CPED1: variants seen among roughly 807,000 people sequenced by gnomAD.
CPED1 encodes the protein cadherin like and PC-esterase domain containing 1, also known as cadherin-like and PC-esterase domain-containing protein 1.
A neutral mutation model predicts 128.2 loss-of-function variants in CPED1; 114 were observed. That is an observed-to-expected ratio of 0.89 (90% CI 0.76 to 1.04). CPED1 has a LOEUF of 1.04. CPED1 is among the 50% of genes least tolerant of loss of function. The pLI is 0.00. For missense variants in CPED1, 1,211 were observed against 1,207.1 expected (o/e 1.00, Z -0.05); for synonymous variants, 462 against 426.7 (o/e 1.08, Z -1.02).
chr7:121,165,920 T>G (rs1796512031), intron 16 of CPED1, among the ~76,000 whole-genome samples: 1 of 152,208 alleles, frequency 6.6e-6, no homozygotes, highest in Non-Finnish European at 1.5e-5. Flanking sequence ...TATGATTGGA[T>G]GTATCTGTGG....
intron 3 of CPED1, among the ~76,000 whole-genome samples, chr7:121,020,306 C>T (rs1467694995): frequency 6.6e-6 from 1 of 151,880 alleles, no homozygotes; most frequent in Non-Finnish European, 1.5e-5. Context: ...AACTATAGTC[C>T]ACTGGCTAAA....
chr7:121,068,901 A>T (rs1352977788), intron 5 of CPED1, among the ~76,000 whole-genome samples: 4 of 152,070 alleles, frequency 2.6e-5, no homozygotes, highest in African/African-American at 9.7e-5. Context: ...TTCACTCATG[A>T]TTTGGCTCTC....
At chr7:121,108,976 G>T (rs1795045732) in intron 7 of CPED1, among the ~76,000 whole-genome samples, 1 of 152,058 alleles carries the variant, frequency 6.6e-6, no homozygotes, top group South Asian at 2.1e-4. Context: ...TAAAATTACT[G>T]TACAGTTAGA....
intron 16 of CPED1, among the ~76,000 whole-genome samples, chr7:121,201,806 A>T (rs2116566265): frequency 6.6e-6 from 1 of 152,134 alleles, no homozygotes; most frequent in Non-Finnish European, 1.5e-5. Flanking sequence ...TTTTTTTCTT[A>T]TCTGACAAAT....
chr7:121,084,993 G>A (rs1442858953), intron 5 of CPED1, among the ~76,000 whole-genome samples: 2 of 152,052 alleles, frequency 1.3e-5, no homozygotes, highest in Non-Finnish European at 2.9e-5. Flanking sequence ...TCGTAGTGAC[G>A]GCCCCAAATG....
chr7:121,207,172 A>T (rs1233914383), intron 16 of CPED1, among the ~76,000 whole-genome samples: 5 of 151,934 alleles, frequency 3.3e-5, no homozygotes, highest in Non-Finnish European at 7.4e-5. Flanking sequence ...AGATTTTCTT[A>T]TGCTTTGCTA....
intron 7 of CPED1, among the ~76,000 whole-genome samples, chr7:121,118,677 A>G (rs1795312323): frequency 6.6e-6 from 1 of 151,996 alleles, no homozygotes; most frequent in Non-Finnish European, 1.5e-5. Flanking sequence ...TAAAGAAAAG[A>G]GGTTTAATTG....
chr7:121,146,239 C>T (rs1796022234), intron 16 of CPED1, among the ~76,000 whole-genome samples: 1 of 152,034 alleles, frequency 6.6e-6, no homozygotes, highest in Admixed American at 6.6e-5. Context: ...AGGGAAAATT[C>T]TATGTCCTCA....
At chr7:121,204,743 G>A (rs1254738819) in intron 16 of CPED1, among the ~76,000 whole-genome samples, 3 of 152,148 alleles carry the variant, frequency 2.0e-5, no homozygotes, top group Admixed American at 6.5e-5. Flanking sequence ...CATGATGCAG[G>A]TCAAGTTTCC....
rs535399089 is a variant in CPED1 at position 121,239,758 on chromosome 7, T to A, written c.2173+2927T>A. Among the ~76,000 whole-genome samples the A allele has an allele frequency of 2.6e-5, 4 of 152,338 alleles. No homozygotes were observed. The South Asian group carries it at 8.3e-4, about 32-fold the overall frequency. ...TTTTCCTCCGTTGTATCATTCAATC[T>A]GATTCACTGAAATGGCTGAAATCTA... On this transcript the variant is annotated intron_variant, in intron 17 of 22. Transcript: ENST00000310396.
chr7:121,129,337 G>GTATA (rs756336162), intron 11 of CPED1, among the ~76,000 whole-genome samples: 6 of 57,854 alleles, frequency 1.0e-4, no homozygotes, highest in African/African-American at 2.8e-4. Flanking sequence ...ATATATATAC[G>GTATA]TATATATATA....
At chr7:121,089,875 A>T (rs920963685) in intron 5 of CPED1, among the ~76,000 whole-genome samples, 4 of 152,198 alleles carry the variant, frequency 2.6e-5, no homozygotes, top group Non-Finnish European at 5.9e-5. Context: ...TTTTAAAAAA[A>T]TGTCATTTCC....
At chr7:121,095,246 C>T (rs1307291535) in intron 5 of CPED1, among the ~76,000 whole-genome samples, 3 of 152,084 alleles carry the variant, frequency 2.0e-5, no homozygotes, top group African/African-American at 7.2e-5. Context: ...ATGGATTAGA[C>T]TGGACTGTTG....
chr7:121,059,186 T>G (rs1180765152), intron 4 of CPED1, among the ~76,000 whole-genome samples: 1 of 152,196 alleles, frequency 6.6e-6, no homozygotes, highest in Non-Finnish European at 1.5e-5. Flanking sequence ...AGCTCTAAAT[T>G]GTTGTAGGAT....
chr7:121,063,278 A>G (rs1563011200), intron 4 of CPED1, among the ~76,000 whole-genome samples: 1 of 140,328 alleles, frequency 7.1e-6, no homozygotes, highest in Non-Finnish European at 1.5e-5. Context: ...TAAATGAATC[A>G]GTTTTTAGAA....
At chr7:121,166,579 G>A (rs575238460) in intron 16 of CPED1, among the ~76,000 whole-genome samples, 28 of 152,078 alleles carry the variant, frequency 1.8e-4, no homozygotes, top group African/African-American at 6.5e-4. Context: ...AACTAAAATT[G>A]TATGAGCCTG....
intron 18 of CPED1, among the ~76,000 whole-genome samples, chr7:121,249,642 C>T (rs1453369185): frequency 5.9e-5 from 9 of 152,092 alleles, no homozygotes; most frequent in Non-Finnish European, 7.4e-5. Flanking sequence ...GAATTTGTTT[C>T]AAATAGACCA....
intron 16 of CPED1, among the ~76,000 whole-genome samples, chr7:121,169,469 C>T (rs915049337): frequency 3.9e-5 from 6 of 152,208 alleles, no homozygotes; most frequent in African/African-American, 1.4e-4. Context: ...AACAGATAAT[C>T]CATGCTTTTT....
At chr7:121,290,770 G>A (rs534314431) in intron 22 of CPED1, among the ~76,000 whole-genome samples, 29 of 152,228 alleles carry the variant, frequency 1.9e-4, no homozygotes, top group Non-Finnish European at 3.4e-4. Context: ...CACTCTGATG[G>A]TAGTTTCTTT....
Sources: allele counts gnomAD v4.1 joint callset (sites outside exome capture counted in the v4.1 genomes callset), GRCh38; gene constraint gnomAD v4.1.1; transcripts MANE v1.5; gene names NCBI Gene and HGNC (gene_info 2026-07-23, HGNC 2026-07-21).